Variants in MRPL35 observed in about 807,000 individuals in gnomAD.
The protein encoded by MRPL35 is large ribosomal subunit protein bL35m.
Under a neutral mutation model 21.6 loss-of-function variants are expected in MRPL35, and 18 were observed. The ratio of observed to expected loss-of-function variants is 0.83; its 90% CI spans 0.58 to 1.24. The LOEUF is 1.24. MRPL35 is among the 50% of genes most tolerant of loss of function. The probability of loss-of-function intolerance (pLI) is 0.00; values close to 1 mark genes in which losing one functional copy is unlikely to be tolerated. For missense variants in MRPL35, 223 were observed against 223.2 expected (o/e 1.00, Z 0.01); for synonymous variants, 87 against 86.9 (o/e 1.00, Z -0.01).
At chr2:86,206,484 A>C (rs1261527149) in intron 2 of MRPL35, among the ~76,000 whole-genome samples, 189 bp downstream of exon 2, 1 of 152,196 alleles carries the variant, frequency 6.6e-6, no homozygotes, top group Non-Finnish European at 1.5e-5. Context: ...CTGGGATTAC[A>C]GGCGTGAGCC....
At chr2:86,199,861 C>T (rs964849200) in intron 1 of MRPL35, among the ~76,000 whole-genome samples, 2 of 152,168 alleles carry the variant, frequency 1.3e-5, no homozygotes, top group African/African-American at 4.8e-5. Flanking sequence ...TACGACCTGC[C>T]ATTCACGACC....
intron 3 of MRPL35, among the ~76,000 whole-genome samples, chr2:86,207,768 G>A (rs542715162): frequency 3.9e-5 from 6 of 152,310 alleles, no homozygotes; most frequent in Non-Finnish European, 5.9e-5. Flanking sequence ...GAGGTCAGGC[G>A]TTGTGGCAGG....
chr2:86,203,910 A>G (rs568616183), intron 1 of MRPL35, among the ~76,000 whole-genome samples: 53 of 152,270 alleles, frequency 3.5e-4, no homozygotes, highest in African/African-American at 1.3e-3. Flanking sequence ...CTCATTTGTT[A>G]TCTGAAATCA....
At chr2:86,210,350 C>G in intron 3 of MRPL35, 130 bp from the exon 4 acceptor site, 1 of 266,638 alleles carries the variant, frequency 3.8e-6, no homozygotes, top group Non-Finnish European at 5.9e-6. Context: ...TCACATCTTT[C>G]CAAGAAATAG....
Position 86,213,115 on chromosome 2 carries a change from C to T in MRPL35, c.*2447C>T. 1.1e-5 allele frequency: 11 copies of T among 985,880 alleles called. No homozygotes were observed. Among genetic ancestry groups the T allele is most frequent in the Non-Finnish European group, 1.3e-5 (11 of 830,216 alleles). 61.1% of individuals were successfully genotyped at this position (985,880 alleles called of 1,614,324 possible). Reference sequence around the variant, plus strand: ...AATAAGACCCAGAATCTCAGTCTCACTCCTTGGGATCCTGTGTATTTCCCT... The same window carrying T: ...AATAAGACCCAGAATCTCAGTCTCATTCCTTGGGATCCTGTGTATTTCCCT... On this transcript the variant is annotated 3_prime_UTR_variant, in exon 4 of 4. Transcript: ENST00000337109.
In MRPL35 at chr2:86,211,648, T is replaced by C. The variant is rs1673904289; in HGVS notation, c.*980T>C. ...TGTACAAGTGAAGACAAGGGCTTTTTATGCAAGTTTTGAAAGATAGGTATT... is the reference window on the plus strand; with the variant it reads ...TGTACAAGTGAAGACAAGGGCTTTTCATGCAAGTTTTGAAAGATAGGTATT... On this transcript the variant is annotated 3_prime_UTR_variant, in exon 4 of 4. Transcript: ENST00000337109. 1 of 985,346 alleles carries C rather than the reference T, an allele frequency of 1.0e-6. No individual in the cohort carries two copies. 61.0% of individuals were successfully genotyped at this position (985,346 alleles called of 1,614,324 possible).
rs1673882036 is a variant in MRPL35 at position 86,210,481 on chromosome 2, C to T, written c.380C>T (p.Ala127Val). The change falls in exon 4 of 4, where the codon GCT (alanine) becomes GTT (valine). Residue 127 changes from alanine (A) to valine (V), a missense_variant and splice_region_variant. By Grantham distance (64) the Ala-to-Val change is moderately conservative. Transcript: ENST00000337109. ...LHCGLWVRRK[A>V]GYKKKLWKKT... is the part of the protein sequence containing the mutation. The stretch of plus-strand genomic sequence containing the variant: ...ACATTTCTTTGTAATATCTGACAGG[C>T]TGGCTATAAGAAAAAATTATGGAAA... The T allele has an allele frequency of 6.2e-7, 1 of 1,603,544 alleles. No homozygotes were observed. Among genetic ancestry groups the T allele is most frequent in the Admixed American group, 1.7e-5 (1 of 57,626 alleles).
Position 86,210,496 on chromosome 2 carries a change from A to C in MRPL35, c.395A>C (p.Lys132Thr). The C allele has an allele frequency of 6.2e-7, 1 of 1,606,408 alleles. No individual in the cohort carries two copies. The highest frequency in any genetic ancestry group is 8.5e-7 in the Non-Finnish European group (1 of 1,177,292). The change falls in exon 4 of 4, where the codon AAA (lysine) becomes ACA (threonine). Residue 132 changes from lysine to threonine, a missense_variant. Transcript: ENST00000337109. ...WVRRKAGYKKKLWKKTPARKK... is the reference protein window; with the variant it reads ...WVRRKAGYKKTLWKKTPARKK... ...ATCTGACAGGCTGGCTATAAGAAAA[A>C]ATTATGGAAAAAGACACCTGCAAGG...
At chr2:86,200,516 G>A (rs1200415354) in intron 1 of MRPL35, among the ~76,000 whole-genome samples, 1 of 152,000 alleles carries the variant, frequency 6.6e-6, no homozygotes, top group South Asian at 2.1e-4. Flanking sequence ...TTTTCCTATA[G>A]TAGTTTTAGC....
intron 2 of MRPL35, 34 bp from the exon 3 acceptor site, chr2:86,207,149 A>G: frequency 3.2e-6 from 5 of 1,543,192 alleles, no homozygotes; most frequent in Non-Finnish European, 4.4e-6. Context: ...AATCAGTCTG[A>G]TTACAAGCTA....
Position 86,206,042 on chromosome 2 carries a change from C to CT in MRPL35, c.44-62dup, listed in dbSNP as rs934311309. 95 of 1,380,916 alleles carry CT rather than the reference C, an allele frequency of 6.9e-5. 1 individual carries two copies. The highest frequency in any genetic ancestry group is 1.8e-4 in the Middle Eastern group (1 of 5,460). 85.5% of individuals were successfully genotyped at this position (1,380,916 alleles called of 1,614,324 possible). ...AATACTTGGTGGCAGTGATACATCTCTTAATTTTTAATATCTGGATGCATA... is the reference window on the plus strand; with the variant it reads ...AATACTTGGTGGCAGTGATACATCTCTTTAATTTTTAATATCTGGATGCATA... On this transcript the variant is annotated intron_variant, in intron 1 of 3. Transcript: ENST00000337109.
In MRPL35 at chr2:86,206,287, C is replaced by T; in HGVS notation, c.225C>T (p.Ile75=). 1 of 1,611,152 alleles carries T rather than the reference C, an allele frequency of 6.2e-7. No homozygotes were observed. Among genetic ancestry groups the T allele is most frequent in the Non-Finnish European group, 8.5e-7 (1 of 1,178,376 alleles). Residue 75 remains isoleucine (I), a synonymous_variant, in exon 2 of 4, where the codon ATC becomes ATT. Coordinates refer to ENST00000337109, the MANE Select transcript of MRPL35 (RefSeq NM_016622.4). The part of the protein sequence containing the change: ...RNLTCGHTSV[I]LNRMAPVLPS... ...TGACATGTGGGCATACCTCAGTGATCCTTAATAGGTAGAGTATATTTCTTT... is the reference window on the plus strand; with the variant it reads ...TGACATGTGGGCATACCTCAGTGATTCTTAATAGGTAGAGTATATTTCTTT...
At chr2:86,205,848 G>A (rs185981644) in intron 1 of MRPL35, among the ~76,000 whole-genome samples, 4 of 152,284 alleles carry the variant, frequency 2.6e-5, no homozygotes, top group Admixed American at 2.0e-4. Context: ...TGGACATAGA[G>A]CTAGCAGACA....
Position 86,212,158 on chromosome 2 carries a change from G to T in MRPL35, c.*1490G>T, listed in dbSNP as rs1673914503. The T allele has an allele frequency of 1.6e-6, 2 of 1,272,924 alleles. No individual in the cohort carries two copies. The highest frequency in any genetic ancestry group is 8.0e-5 in the Admixed American group (2 of 24,874). 78.9% of individuals were successfully genotyped at this position (1,272,924 alleles called of 1,614,324 possible). A position where few individuals can be genotyped will look rare whatever the true frequency, so the allele number is the denominator to read the frequency against. ...ATGTGGTAGTTGGTAATAATAAGAT[G>T]AAATTCCTCTGTTGTTAGTAAAATT... On this transcript the variant is annotated 3_prime_UTR_variant, in exon 4 of 4. Coordinates refer to ENST00000337109, the MANE Select transcript of MRPL35 (RefSeq NM_016622.4).
At position 86,213,704 on chromosome 2, in the gene MRPL35, ACT is replaced by A. The variant is rs1673962611; in HGVS notation, c.*3039_*3040del. 6 of 1,539,058 alleles carry A rather than the reference ACT, an allele frequency of 3.9e-6. No homozygotes were observed. Among genetic ancestry groups the A allele is most frequent in the Non-Finnish European group, 4.4e-6 (5 of 1,137,380 alleles). ...CCAAACGTCTGTTTGCACAATTGAA[ACT>A]CTACCAGTGGACTATTCTATTTTCA... On this transcript the variant is annotated 3_prime_UTR_variant, in exon 4 of 4. Transcript: ENST00000337109.
At chr2:86,205,318 A>C (rs114917779) in intron 1 of MRPL35, among the ~76,000 whole-genome samples, 227 of 152,310 alleles carry the variant, frequency 1.5e-3, no homozygotes, top group African/African-American at 5.1e-3. Flanking sequence ...AGAAAGTCAT[A>C]AGAAAAGAAA....
chr2:86,210,424 T>C (rs1673879737), intron 3 of MRPL35, 56 bp from the exon 4 acceptor site: 9 of 1,432,850 alleles, frequency 6.3e-6, no homozygotes, highest in Admixed American at 2.3e-5. Context: ...GTTGTGAAGA[T>C]ACCTGTTGTT....
chr2:86,201,982 C>G (rs1422204473), intron 1 of MRPL35, among the ~76,000 whole-genome samples: 3 of 152,210 alleles, frequency 2.0e-5, no homozygotes, highest in Non-Finnish European at 4.4e-5. Flanking sequence ...GTGAAAACAT[C>G]TGTATTCTCT....
intron 3 of MRPL35, among the ~76,000 whole-genome samples, chr2:86,209,763 C>T (rs1193520586): frequency 3.9e-5 from 6 of 152,304 alleles, no homozygotes; most frequent in South Asian, 2.1e-4. Context: ...ACCTCGCCTG[C>T]ACTCCATCCT....
Sources: allele counts gnomAD v4.1 joint callset (sites outside exome capture counted in the v4.1 genomes callset), GRCh38; gene constraint gnomAD v4.1.1; transcripts MANE v1.5; gene names NCBI Gene and HGNC (gene_info 2026-07-23, HGNC 2026-07-21).